The following USH2A variants were observed in gnomAD, a reference collection of about 807,000 sequenced individuals.
USH2A encodes the protein Usher syndrome 2A (autosomal recessive, mild).
Under a neutral mutation model 538.9 loss-of-function variants are expected in USH2A, and 443 were observed. That is an observed-to-expected ratio of 0.82 (90% CI 0.76 to 0.89). The LOEUF is 0.89. Among genes scored for constraint, USH2A ranks in the 40% least tolerant of loss-of-function variants. The pLI is 0.00. For synonymous variants in USH2A, 2,413 were observed against 2,273.5 expected, an observed-to-expected ratio of 1.06 and a Z score of -1.75; for missense variants, 6,633 against 6,324.8, an observed-to-expected ratio of 1.05 and a Z score of -1.65.
intron 3 of USH2A, among the ~76,000 whole-genome samples, chr1:216,382,940 T>C (rs1002089870): frequency 3.3e-5 from 5 of 151,994 alleles, no homozygotes; most frequent in Non-Finnish European, 7.4e-5. Context: ...CTCAAAGACA[T>C]GATAGAAACC....
At chr1:216,027,604 C>A (rs2102507646) in intron 32 of USH2A, among the ~76,000 whole-genome samples, 1 of 152,238 alleles carries the variant, frequency 6.6e-6, no homozygotes, top group East Asian at 1.9e-4. Context: ...CTTTTCTTTA[C>A]TGACTTGGAA....
At chr1:216,399,249 C>T (rs1284361270) in intron 3 of USH2A, among the ~76,000 whole-genome samples, 1 of 152,262 alleles carries the variant, frequency 6.6e-6, no homozygotes, top group South Asian at 2.1e-4. Flanking sequence ...ACTCCAACCT[C>T]TGGTGTCAGT....
chr1:216,000,987 C>T (rs761214617), intron 32 of USH2A, among the ~76,000 whole-genome samples: 6 of 152,034 alleles, frequency 3.9e-5, no homozygotes, highest in Non-Finnish European at 7.4e-5. Context: ...CTTGTAATTC[C>T]GTTTGTCAGA....
intron 21 of USH2A, among the ~76,000 whole-genome samples, chr1:216,160,172 T>C (rs2034029194): frequency 6.6e-6 from 1 of 151,914 alleles, no homozygotes; most frequent in Non-Finnish European, 1.5e-5. Flanking sequence ...ATTTCTTTTA[T>C]TCAAATATTT....
At chr1:215,911,304 T>G (rs1396894132) in intron 38 of USH2A, among the ~76,000 whole-genome samples, 1 of 151,892 alleles carries the variant, frequency 6.6e-6, no homozygotes, top group Non-Finnish European at 1.5e-5. Context: ...TCTTATGCAT[T>G]CATTCTATTT....
At chr1:215,968,488 T>C (rs1031810479) in intron 36 of USH2A, among the ~76,000 whole-genome samples, 2 of 152,252 alleles carry the variant, frequency 1.3e-5, no homozygotes, top group East Asian at 1.9e-4. Context: ...GGTAAGAATA[T>C]GGAACTTCTG....
At chr1:215,795,189 C>G (rs1662091168) in intron 50 of USH2A, among the ~76,000 whole-genome samples, 1 of 152,104 alleles carries the variant, frequency 6.6e-6, no homozygotes, top group African/African-American at 2.4e-5. Context: ...GAGTGTATAC[C>G]TCCTGTAAAC....
chr1:215,789,048 A>G, intron 51 of USH2A, among the ~76,000 whole-genome samples: 1 of 152,182 alleles, frequency 6.6e-6, no homozygotes, highest in South Asian at 2.1e-4. Context: ...TCCCATGGTG[A>G]TCCATTCCAG....
Position 215,838,076 on chromosome 1 carries a change from C to T in USH2A, c.9286G>A (p.Val3096Met), listed in dbSNP as rs147267500. The T allele has an allele frequency of 3.3e-5, 54 of 1,613,774 alleles. No individual in the cohort carries two copies. Among genetic ancestry groups the T allele is most frequent in the African/African-American group, 1.2e-4 (9 of 74,904 alleles). The change falls in exon 47 of 72, where the codon GTG becomes ATG. Residue 3096 changes from valine (V) to methionine (M), a missense_variant. Transcript: ENST00000307340. ...QVEVCTIYAC[V>M]KSNGTQITTV... ...GTAATTTGGGTTCCATTGCTTTTCA[C>T]GCAGGCATATATTGTGCAGACTTCA...
At chr1:215,766,351 A>C (rs1375638209) in intron 56 of USH2A, among the ~76,000 whole-genome samples, 1 of 152,156 alleles carries the variant, frequency 6.6e-6, no homozygotes, top group Non-Finnish European at 1.5e-5. Flanking sequence ...GGCAGAGAAC[A>C]TTTTAAACAA....
chr1:216,076,393 T>G (rs2031751442), intron 27 of USH2A, among the ~76,000 whole-genome samples: 1 of 152,204 alleles, frequency 6.6e-6, no homozygotes, highest in African/African-American at 2.4e-5. Context: ...TCTATGGTGA[T>G]GTTTTAAACT....
chr1:216,120,513 G>A (rs1472048841), intron 21 of USH2A, among the ~76,000 whole-genome samples: 2 of 151,672 alleles, frequency 1.3e-5, no homozygotes, highest in Non-Finnish European at 2.9e-5. Flanking sequence ...CCGAGTAGCT[G>A]GGACTACAGG....
At chr1:215,906,806 A>G (rs1665650146) in intron 38 of USH2A, among the ~76,000 whole-genome samples, 1 of 152,072 alleles carries the variant, frequency 6.6e-6, no homozygotes, top group African/African-American at 2.4e-5. Context: ...CATGTTAGCG[A>G]GAGAAAGAGT....
At chr1:215,663,351 A>G (rs1387486422) in intron 64 of USH2A, among the ~76,000 whole-genome samples, 1 of 152,138 alleles carries the variant, frequency 6.6e-6, no homozygotes, top group African/African-American at 2.4e-5. Context: ...CATTTTTTTA[A>G]ATGAGAAAGG....
intron 4 of USH2A, among the ~76,000 whole-genome samples, chr1:216,339,179 A>C (rs2038028773): frequency 6.6e-6 from 1 of 151,656 alleles, no homozygotes; most frequent in Admixed American, 6.6e-5. Flanking sequence ...TAGAGAAACT[A>C]AAATGAATGA....
intron 38 of USH2A, among the ~76,000 whole-genome samples, chr1:215,921,443 C>G (rs369421216): frequency 6.6e-6 from 1 of 151,976 alleles, no homozygotes; most frequent in East Asian, 1.9e-4. Context: ...TATACAGTCA[C>G]TGAGGACAGT....
At chr1:216,379,767 G>A (rs868419318) in intron 3 of USH2A, among the ~76,000 whole-genome samples, 1 of 152,150 alleles carries the variant, frequency 6.6e-6, no homozygotes, top group African/African-American at 2.4e-5. Flanking sequence ...CTAAGGAAAA[G>A]AAAACAATTG....
At chr1:215,650,567 C>A (rs758493165) in intron 65 of USH2A, 25 bp downstream of exon 65, 1 of 1,613,838 alleles carries the variant, frequency 6.2e-7, no homozygotes. Context: ...TCAACCAGTC[C>A]TGGATTTTTA....
intron 19 of USH2A, among the ~76,000 whole-genome samples, chr1:216,193,756 G>A (rs1264229598): frequency 6.6e-6 from 1 of 152,090 alleles, no homozygotes; most frequent in Non-Finnish European, 1.5e-5. Context: ...GCCACAGGTA[G>A]GTAGAAGAGA....
Sources: gnomAD v4.1 joint callset for allele counts (sites outside exome capture counted in the v4.1 genomes callset) on GRCh38, gnomAD v4.1.1 for gene constraint, MANE v1.5 for transcripts, NCBI Gene and HGNC (gene_info 2026-07-23, HGNC 2026-07-21) for gene names.